The following CDK1 variants were observed in gnomAD, a reference collection of about 807,000 sequenced individuals.
CDK1 encodes cyclin-dependent kinase 1.
A neutral mutation model predicts 34.6 loss-of-function variants in CDK1; 5 were observed. The observed-to-expected ratio is 0.14, with a 90% confidence interval of 0.08 to 0.30. CDK1 has a LOEUF of 0.30. CDK1 is among the 10% of genes least tolerant of loss of function. CDK1 has a pLI of 1.00. For synonymous variants in CDK1, 108 were observed against 114.7 expected (o/e 0.94, Z 0.37); for missense variants, 157 against 345.7 (o/e 0.45, Z 4.33).
At position 60,792,231 on chromosome 10, in the gene CDK1, C is replaced by T; in HGVS notation, c.737C>T (p.Pro246Leu). 1 of 1,612,630 alleles carries T rather than the reference C, an allele frequency of 6.2e-7. No homozygotes were observed. The highest frequency in any genetic ancestry group is 8.5e-7 in the Non-Finnish European group (1 of 1,179,318). ...DYKNTFPKWK[P>L]GSLASHVKNL... ...AAGAATACATTTCCCAAATGGAAAC[C>T]AGGAAGCCTAGCATCCCATGTCAAA... Residue 246 changes from proline (P) to leucine (L), a missense_variant, in exon 7 of 8, where the codon CCA (proline) becomes CTA (leucine). Physicochemically the swap from Pro to Leu is moderately conservative, Grantham distance 98. Coordinates refer to ENST00000395284, the MANE Select transcript of CDK1 (RefSeq NM_001786.5).
At chr10:60,784,553 C>T in intron 2 of CDK1, 152 bp from the exon 3 acceptor site, 2 of 589,208 alleles carry the variant, frequency 3.4e-6, no homozygotes, top group Non-Finnish European at 5.9e-6. Flanking sequence ...TCCCCTGAGC[C>T]CAGGAGGAGG....
chr10:60,778,822 G>A (rs1316980852), intron 1 of CDK1, among the ~76,000 whole-genome samples: 5 of 152,308 alleles, frequency 3.3e-5, no homozygotes, highest in African/African-American at 1.2e-4. Flanking sequence ...GTGGGGGTTC[G>A]GGGCTGCAGT....
intron 5 of CDK1, among the ~76,000 whole-genome samples, chr10:60,790,630 T>C (rs2080353280): frequency 6.6e-6 from 1 of 152,196 alleles, no homozygotes; most frequent in Non-Finnish European, 1.5e-5. Context: ...TCAATAACAG[T>C]GTTTCCTCTG....
At chr10:60,786,884 T>G in intron 4 of CDK1, 2 of 980,802 alleles carry the variant, frequency 2.0e-6, no homozygotes, top group Non-Finnish European at 2.4e-6. Flanking sequence ...TTGGACTTTC[T>G]GCTTTTATGT....
rs1350924790 is a variant in CDK1 at position 60,791,777 on chromosome 10, T to C, written c.490-113T>C. 1.7e-5 allele frequency: 9 copies of C among 544,820 alleles called. No homozygotes were observed. The Admixed American group carries it at 2.8e-4, about 17-fold the overall frequency. The allele number at this position is 544,820 out of a possible 1,614,324, so 33.7% of individuals were successfully genotyped here. On this transcript the variant is annotated intron_variant, in intron 5 of 7. Coordinates refer to ENST00000395284, the MANE Select transcript of CDK1 (RefSeq NM_001786.5). ...CCTTTAATTGACTTAAACAATATTA[T>C]TGGTGGCAGTCATACAACCTTTAAA...
At chr10:60,786,106 T>C (rs2080313433) in intron 4 of CDK1, 2 of 1,001,922 alleles carry the variant, frequency 2.0e-6, no homozygotes, top group African/African-American at 1.7e-5. Context: ...GGCAGAGTGG[T>C]GGTTGTAGGT....
intron 5 of CDK1, among the ~76,000 whole-genome samples, chr10:60,788,542 C>T (rs2080334141): frequency 6.6e-6 from 1 of 152,014 alleles, no homozygotes. Context: ...TTACATCATT[C>T]CCATCCTTTG....
At chr10:60,781,100 T>G (rs2080269709) in intron 2 of CDK1, among the ~76,000 whole-genome samples, 1 of 152,046 alleles carries the variant, frequency 6.6e-6, no homozygotes, top group Admixed American at 6.6e-5. Flanking sequence ...CCCATTCTAC[T>G]AAACAAATTT....
At chr10:60,791,547 A>C (rs1022287691) in intron 5 of CDK1, among the ~76,000 whole-genome samples, 4 of 152,266 alleles carry the variant, frequency 2.6e-5, no homozygotes, top group African/African-American at 9.6e-5. Context: ...CATCTTAGCA[A>C]GTAAGCAGTA....
chr10:60,786,292 C>A, intron 4 of CDK1: 1 of 979,918 alleles, frequency 1.0e-6, no homozygotes, highest in Non-Finnish European at 1.2e-6. Context: ...TATTTGTAAT[C>A]TTACACTTGT....
intron 3 of CDK1, among the ~76,000 whole-genome samples, chr10:60,785,094 G>A (rs2080304024): frequency 6.6e-6 from 1 of 152,158 alleles, no homozygotes; most frequent in Non-Finnish European, 1.5e-5. Flanking sequence ...GCCTAGAATA[G>A]CAAGGTAAAT....
intron 5 of CDK1, among the ~76,000 whole-genome samples, chr10:60,788,976 A>T (rs1405615466): frequency 6.6e-6 from 1 of 152,148 alleles, no homozygotes; most frequent in Non-Finnish European, 1.5e-5. Context: ...AACAAATGCT[A>T]TTGACCTCAT....
intron 2 of CDK1, among the ~76,000 whole-genome samples, chr10:60,782,505 A>T (rs964669509): frequency 6.6e-6 from 1 of 152,192 alleles, no homozygotes; most frequent in African/African-American, 2.4e-5. Context: ...TTTTTGGATC[A>T]TAGAGTAGCA....
chr10:60,791,795 C>T (rs1043759557), intron 5 of CDK1, 95 bp from the exon 6 acceptor site: 15 of 608,106 alleles, frequency 2.5e-5, no homozygotes, highest in Non-Finnish European at 4.2e-5. Flanking sequence ...AGTCATACAA[C>T]CTTTAAAGGA....
intron 1 of CDK1, among the ~76,000 whole-genome samples, chr10:60,779,006 T>A (rs1479728644): frequency 6.6e-6 from 1 of 152,100 alleles, no homozygotes; most frequent in Admixed American, 6.5e-5. Context: ...GGACCGCACC[T>A]GGGCCAGGTA....
At chr10:60,793,583 A>C (rs1001127115) in intron 7 of CDK1, among the ~76,000 whole-genome samples, 2 of 151,954 alleles carry the variant, frequency 1.3e-5, no homozygotes, top group African/African-American at 2.4e-5. Context: ...TCTTTCCTAT[A>C]TTTGTGTCTC....
intron 5 of CDK1, among the ~76,000 whole-genome samples, chr10:60,789,095 A>G (rs2080337842): frequency 6.6e-6 from 1 of 152,080 alleles, no homozygotes; most frequent in East Asian, 1.9e-4. Context: ...TTTTTTAAAT[A>G]ATTTAAAAAT....
At chr10:60,783,660 A>T (rs1432684431) in intron 2 of CDK1, 1 of 152,172 alleles carries the variant, frequency 6.6e-6, no homozygotes, top group African/African-American at 2.4e-5. Flanking sequence ...AAAAAGACTT[A>T]TCTAGGGAAT....
chr10:60,783,841 T>A (rs1904417), intron 2 of CDK1, among the ~76,000 whole-genome samples: 5 of 152,028 alleles, frequency 3.3e-5, no homozygotes, highest in Non-Finnish European at 7.4e-5. Flanking sequence ...GGTGTGAGGC[T>A]TTCCTAATAT....
Sources: allele counts gnomAD v4.1 joint callset (sites outside exome capture counted in the v4.1 genomes callset), GRCh38; gene constraint gnomAD v4.1.1; transcripts MANE v1.5; gene names NCBI Gene and HGNC (gene_info 2026-07-23, HGNC 2026-07-21).